EBF3: variants seen among roughly 807,000 people sequenced by gnomAD.
The protein encoded by EBF3 is EBF transcription factor 3, also known as transcription factor COE3.
EBF3 carries 18 observed loss-of-function variants against 77.1 expected under a neutral mutation model. The ratio of observed to expected loss-of-function variants is 0.23; its 90% CI spans 0.16 to 0.35. The LOEUF (loss-of-function observed/expected upper bound fraction) is 0.35, where lower values mean the gene tolerates loss of function less well. EBF3 is among the 10% of genes least tolerant of loss of function. The pLI is 1.00. For synonymous variants in EBF3, 350 were observed against 343.5 expected (o/e 1.02, Z -0.21); for missense variants, 558 against 860.0 (o/e 0.65, Z 4.39).
Position 129,870,659 on chromosome 10 carries a change from C to A in EBF3, c.782-2747G>T, listed in dbSNP as rs747902652. 1.8e-4 allele frequency among the ~76,000 whole-genome samples: 27 copies of A among 152,110 alleles called. No individual in the cohort carries two copies. Among genetic ancestry groups the A allele is most frequent in the Non-Finnish European group, 3.5e-4 (24 of 68,030 alleles). ...ACCCTCTGCCCATCGTGACCCCCGC[C>A]GGCTCTCCCCAGGGCCTGCGGGGAC... On this transcript the variant is annotated intron_variant, in intron 8 of 16. Transcript: ENST00000440978. This position sits in a 1 kb window ranked among gnomAD's most constrained non-coding sequence, Gnocchi z 4.4.
At chr10:129,904,822 G>T (rs935325622) in intron 6 of EBF3, among the ~76,000 whole-genome samples, 1 of 152,218 alleles carries the variant, frequency 6.6e-6, no homozygotes, top group African/African-American at 2.4e-5. Flanking sequence ...TTTCTTGAAT[G>T]AATAAATGAA....
At position 129,843,061 on chromosome 10, in the gene EBF3, C is replaced by CA; in HGVS notation, c.1194+75dup. The CA allele has an allele frequency of 5.5e-6, 8 of 1,465,874 alleles. No individual in the cohort carries two copies. In the South Asian group the frequency reaches 8.4e-5, roughly 15 times the overall value. The allele number at this position is 1,465,874 out of a possible 1,614,324, so 90.8% of individuals were successfully genotyped here. A position where few individuals can be genotyped will look rare whatever the true frequency, so the allele number is the denominator to read the frequency against. On this transcript the variant is annotated intron_variant, in intron 12 of 16. Transcript: ENST00000440978. ...AGCATGCTTATGTCCAGAAAGCCCA[C>CA]ACTGGAGCCACGCCGGCTGCCCACG...
At position 129,848,803 on chromosome 10, in the gene EBF3, G is replaced by A. The variant is rs979522869; in HGVS notation, c.1040-323C>T. Among the ~76,000 whole-genome samples the A allele has an allele frequency of 6.6e-6, 1 of 152,222 alleles. No individual in the cohort carries two copies. Among genetic ancestry groups the A allele is most frequent in the African/African-American group, 2.4e-5 (1 of 41,466 alleles). On this transcript the variant is annotated intron_variant, in intron 10 of 16. Transcript: ENST00000440978. The surrounding 1 kb of genome is among the most constrained non-coding windows in gnomAD (Gnocchi z 4.4). ...TCACCACCATCACGATGTGATGTCT[G>A]CATCACACGGTGCCTTCCACACTGG...
chr10:129,856,634 G>A (rs1028863021), intron 10 of EBF3, among the ~76,000 whole-genome samples: 4 of 152,164 alleles, frequency 2.6e-5, no homozygotes, highest in African/African-American at 9.7e-5. Context: ...CTTCTCTACG[G>A]CTGTCACTTC....
chr10:129,900,220 C>T (rs773520036), intron 6 of EBF3, among the ~76,000 whole-genome samples: 25 of 152,212 alleles, frequency 1.6e-4, no homozygotes, highest in Non-Finnish European at 3.2e-4. Flanking sequence ...AAATATCCTT[C>T]TCTCATCTTC....
At chr10:129,887,353 G>A (rs1033884421) in intron 6 of EBF3, among the ~76,000 whole-genome samples, 3 of 152,174 alleles carry the variant, frequency 2.0e-5, no homozygotes, top group African/African-American at 4.8e-5. Context: ...GAGCCCAAGC[G>A]CTGTCTTGTT....
chr10:129,889,533 G>A (rs534847435), intron 6 of EBF3, among the ~76,000 whole-genome samples: 1 of 152,248 alleles, frequency 6.6e-6, no homozygotes. Context: ...CCCAAACTCT[G>A]CAGCCTCCCT....
At chr10:129,946,029 A>T (rs1013028521) in intron 6 of EBF3, among the ~76,000 whole-genome samples, 23 of 152,182 alleles carry the variant, frequency 1.5e-4, no homozygotes, top group African/African-American at 5.5e-4. Context: ...AAAAAAAAAA[A>T]TCCTGTTCCT....
At chr10:129,917,473 A>T (rs1171179504) in intron 6 of EBF3, among the ~76,000 whole-genome samples, 2 of 152,050 alleles carry the variant, frequency 1.3e-5, no homozygotes, top group Non-Finnish European at 2.9e-5. Context: ...CCCCACTAGG[A>T]AAATAAAAAA....
intron 6 of EBF3, among the ~76,000 whole-genome samples, chr10:129,933,371 A>G (rs1857157595): frequency 2.0e-5 from 3 of 152,356 alleles, no homozygotes; most frequent in Non-Finnish European, 4.4e-5. Flanking sequence ...CGCCCCGAGT[A>G]TGGGGAGGAC....
At chr10:129,909,299 C>A (rs1855356451) in intron 6 of EBF3, among the ~76,000 whole-genome samples, 1 of 152,206 alleles carries the variant, frequency 6.6e-6, no homozygotes, top group Non-Finnish European at 1.5e-5. Flanking sequence ...GGATCCCCAG[C>A]CTCCCACCAA....
rs1437022734 is a variant in EBF3 at position 129,886,172 on chromosome 10, AATT to A, written c.555-8326_555-8324del. ...TAAGAACTATCATCTTTGTAGGCTG[AATT>A]ATTAATAAAAAAATCACATTTTAAA... On this transcript the variant is annotated intron_variant, in intron 6 of 16. Transcript: ENST00000440978. 3.3e-5 allele frequency among the ~76,000 whole-genome samples: 5 copies of A among 151,986 alleles called. No individual in the cohort carries two copies. The South Asian group carries it at 6.2e-4, about 19-fold the overall frequency.
At position 129,836,247 on chromosome 10, in the gene EBF3, A is replaced by G. The variant is rs569695857; in HGVS notation, c.*1696T>C. The G allele has an allele frequency of 6.5e-6, 1 of 152,772 alleles. No individual in the cohort carries two copies. Among genetic ancestry groups the G allele is most frequent in the African/African-American group, 2.4e-5 (1 of 41,582 alleles). The allele number at this position is 152,772 out of a possible 1,614,324, so 9.5% of individuals were successfully genotyped here. A position where few individuals can be genotyped will look rare whatever the true frequency, so the allele number is the denominator to read the frequency against. ...GAAGTTCACTTTTAAGGCATCAGAAAAGTTAATGTGGCAAACATTTTAATT... is the reference window on the plus strand; with the variant it reads ...GAAGTTCACTTTTAAGGCATCAGAAGAGTTAATGTGGCAAACATTTTAATT... On this transcript the variant is annotated 3_prime_UTR_variant, in exon 17 of 17. Transcript: ENST00000440978.
intron 8 of EBF3, among the ~76,000 whole-genome samples, chr10:129,868,597 C>G (rs1852193847): frequency 6.6e-6 from 1 of 152,184 alleles, no homozygotes; most frequent in Non-Finnish European, 1.5e-5. Flanking sequence ...GCAGAGGCAG[C>G]CCTGCTGGGG....
rs935569232 is a variant in EBF3, at chr10:129,861,552, G to A, written c.1039+5589C>T. ...CCTGGAGGGTGTCTATTCTTGGGGG[G>A]TTCACTGGGGATCATGGGGGGGACA... On this transcript the variant is annotated intron_variant, in intron 10 of 16. Transcript: ENST00000440978. The surrounding 1 kb of genome is among the most constrained non-coding windows in gnomAD (Gnocchi z 4.3). Among the ~76,000 whole-genome samples the A allele has an allele frequency of 5.4e-5, 8 of 147,044 alleles. No individual in the cohort carries two copies. The highest frequency in any genetic ancestry group is 2.0e-4 in the Admixed American group (3 of 14,758).
chr10:129,889,949 T>A (rs1183236315), intron 6 of EBF3, among the ~76,000 whole-genome samples: 2 of 102,496 alleles, frequency 2.0e-5, no homozygotes, highest in African/African-American at 1.1e-4. Context: ...GAAGTGCCTT[T>A]TTTTTTTTTT....
At chr10:129,865,531 G>T (rs1851945141) in intron 10 of EBF3, among the ~76,000 whole-genome samples, 1 of 152,136 alleles carries the variant, frequency 6.6e-6, no homozygotes, top group Non-Finnish European at 1.5e-5. Flanking sequence ...CCCACAGAAG[G>T]TGGCCCCTAG....
At chr10:129,953,348 GA>G (rs1223611440) in intron 6 of EBF3, among the ~76,000 whole-genome samples, 2 of 152,142 alleles carry the variant, frequency 1.3e-5, no homozygotes, top group African/African-American at 4.8e-5. Context: ...GAGCCCACAG[GA>G]TTGAAATTTT....
intron 6 of EBF3, among the ~76,000 whole-genome samples, chr10:129,881,600 C>T (rs1356448230): frequency 6.6e-6 from 1 of 152,190 alleles, no homozygotes; most frequent in Non-Finnish European, 1.5e-5. Flanking sequence ...ATGAGGTTTC[C>T]TCTTTCGCGG....
Sources: allele counts gnomAD v4.1 joint callset (sites outside exome capture counted in the v4.1 genomes callset), GRCh38; gene constraint gnomAD v4.1.1; non-coding constraint Gnocchi (gnomAD v3.1); transcripts MANE v1.5; gene names NCBI Gene and HGNC (gene_info 2026-07-23, HGNC 2026-07-21).